NAALADL2: variants seen among roughly 807,000 people sequenced by gnomAD.
The protein encoded by NAALADL2 is N-acetylated alpha-linked acidic dipeptidase like 2, also known as inactive N-acetylated-alpha-linked acidic dipeptidase-like protein 2.
A neutral mutation model predicts 87.2 loss-of-function variants in NAALADL2; 76 were observed. The observed-to-expected ratio is 0.87, with a 90% confidence interval of 0.72 to 1.05. NAALADL2 has a LOEUF of 1.05. Among genes scored for constraint, NAALADL2 ranks in the 50% least tolerant of loss-of-function variants. NAALADL2 has a pLI of 0.00. For missense variants in NAALADL2, 1,089 were observed against 945.8 expected (o/e 1.15, Z -1.99); for synonymous variants, 354 against 331.0 (o/e 1.07, Z -0.75).
chr3:175,243,352 A>ACG (rs1285460719), intron 3 of NAALADL2, among the ~76,000 whole-genome samples: 1 of 149,182 alleles, frequency 6.7e-6, no homozygotes, highest in African/African-American at 2.5e-5. Context: ...ACACGCACGC[A>ACG]CACACACACG....
intron 9 of NAALADL2, among the ~76,000 whole-genome samples, chr3:175,571,878 T>C (rs888726122): frequency 3.3e-5 from 5 of 152,186 alleles, no homozygotes; most frequent in African/African-American, 1.2e-4. Context: ...TTTTTAACTT[T>C]GAAGCTAGTT....
At chr3:175,160,506 C>T (rs995564776) in intron 2 of NAALADL2, among the ~76,000 whole-genome samples, 1 of 151,312 alleles carries the variant, frequency 6.6e-6, no homozygotes, top group Middle Eastern at 3.2e-3. Flanking sequence ...GCATGCACCT[C>T]CACATCCAGC....
rs57620256 is a variant in NAALADL2 at position 174,849,734 on chromosome 3, CAAAA to C, written c.-9+112010_-9+112013del. Reference sequence around the variant, plus strand: ...TGGGTGACAGAGCGAGACTCTGACTCAAAAAAAAAAAAAAAAAAAAAAAAAGATG... The same window carrying C: ...TGGGTGACAGAGCGAGACTCTGACTCAAAAAAAAAAAAAAAAAAAAAGATG... On this transcript the variant is annotated intron_variant, in intron 3 of 3. Transcript: ENST00000434257. Among the ~76,000 whole-genome samples, 494 of 62,794 alleles carry C rather than the reference CAAAA, an allele frequency of 7.9e-3. 3 individuals are homozygous for C. The highest frequency in any genetic ancestry group is 0.027 in the African/African-American group (470 of 17,356). 41.2% of individuals were successfully genotyped at this position (62,794 alleles called of 152,430 possible). A position where few individuals can be genotyped will look rare whatever the true frequency, so the allele number is the denominator to read the frequency against.
At chr3:175,140,326 C>A (rs919246937) in intron 2 of NAALADL2, among the ~76,000 whole-genome samples, 8 of 152,018 alleles carry the variant, frequency 5.3e-5, no homozygotes, top group African/African-American at 1.9e-4. Flanking sequence ...TCAGGTGGGA[C>A]TAGAAAATGT....
At chr3:174,625,057 C>CTCTCTCT (rs748895219) in intron 2 of NAALADL2, among the ~76,000 whole-genome samples, 3 of 78,858 alleles carry the variant, frequency 3.8e-5, no homozygotes, top group African/African-American at 1.0e-4. Flanking sequence ...CTCTCTCTCT[C>CTCTCTCT]TTTTTTTTTT....
At chr3:175,334,736 T>C (rs1239787416) in intron 5 of NAALADL2, among the ~76,000 whole-genome samples, 2 of 152,106 alleles carry the variant, frequency 1.3e-5, no homozygotes, top group East Asian at 1.9e-4. Flanking sequence ...GAGAGCAAGT[T>C]TGGTTTGCAA....
chr3:175,410,497 T>TTGTG, intron 5 of NAALADL2, among the ~76,000 whole-genome samples: 1 of 152,094 alleles, frequency 6.6e-6, no homozygotes, highest in Non-Finnish European at 1.5e-5. Flanking sequence ...ATTCCACAGA[T>TTGTG]GTTTATGGAG....
chr3:175,084,604 A>G (rs1034683034), intron 1 of NAALADL2, among the ~76,000 whole-genome samples: 8 of 152,190 alleles, frequency 5.3e-5, no homozygotes, highest in Non-Finnish European at 1.0e-4. Flanking sequence ...ATTTAAATTA[A>G]ATGATTTCTC....
intron 2 of NAALADL2, among the ~76,000 whole-genome samples, chr3:175,144,737 T>C (rs983031296): frequency 2.6e-5 from 4 of 151,982 alleles, no homozygotes; most frequent in African/African-American, 9.7e-5. Context: ...TTTATTTTCC[T>C]CCTGTGCCAG....
At chr3:175,238,345 G>A (rs148801855) in intron 3 of NAALADL2, among the ~76,000 whole-genome samples, 1 of 152,106 alleles carries the variant, frequency 6.6e-6, no homozygotes, top group Admixed American at 6.6e-5. Context: ...AACTGTAGAT[G>A]TAGAAATATA....
chr3:175,101,911 A>G (rs1722273332), intron 2 of NAALADL2, among the ~76,000 whole-genome samples: 1 of 150,350 alleles, frequency 6.7e-6, no homozygotes, highest in Non-Finnish European at 1.5e-5. Context: ...TGCAATATGT[A>G]CAGAAAATTA....
chr3:175,778,670 T>C (rs779716587), intron 13 of NAALADL2, among the ~76,000 whole-genome samples: 1 of 152,246 alleles, frequency 6.6e-6, no homozygotes, highest in Non-Finnish European at 1.5e-5. Context: ...TCAGCTCATG[T>C]AATTATTATA....
At chr3:175,381,974 A>G (rs535646330) in intron 5 of NAALADL2, among the ~76,000 whole-genome samples, 7 of 152,138 alleles carry the variant, frequency 4.6e-5, no homozygotes, top group East Asian at 1.9e-4. Flanking sequence ...ACTTACTACC[A>G]TACTGCTCAC....
intron 11 of NAALADL2, among the ~76,000 whole-genome samples, chr3:175,701,536 T>C (rs1398342092): frequency 6.6e-6 from 1 of 152,148 alleles, no homozygotes; most frequent in Non-Finnish European, 1.5e-5. Context: ...TGGCATGCCT[T>C]CCGTTAATTA....
At chr3:175,245,442 C>T (rs1336095908) in intron 3 of NAALADL2, among the ~76,000 whole-genome samples, 2 of 152,142 alleles carry the variant, frequency 1.3e-5, no homozygotes, top group African/African-American at 4.8e-5. Flanking sequence ...AGCCAAATTT[C>T]TATCACAATA....
At chr3:175,430,341 A>G (rs1717545912) in intron 5 of NAALADL2, among the ~76,000 whole-genome samples, 1 of 151,898 alleles carries the variant, frequency 6.6e-6, no homozygotes, top group Admixed American at 6.6e-5. Context: ...TAACCTATAT[A>G]TGTGTGTTAA....
chr3:175,427,159 GAC>G (rs1402269734), intron 5 of NAALADL2, among the ~76,000 whole-genome samples: 1 of 152,110 alleles, frequency 6.6e-6, no homozygotes, highest in East Asian at 1.9e-4. Context: ...TACTTTTTAG[GAC>G]TTAGGACTCA....
chr3:175,342,356 A>T (rs186284109), intron 5 of NAALADL2, among the ~76,000 whole-genome samples: 4 of 152,252 alleles, frequency 2.6e-5, no homozygotes, highest in Admixed American at 2.6e-4. Flanking sequence ...TGAGATAAGG[A>T]TAAAATAATA....
At chr3:175,052,466 C>T (rs1005328266) in intron 1 of NAALADL2, among the ~76,000 whole-genome samples, 1 of 152,186 alleles carries the variant, frequency 6.6e-6, no homozygotes, top group Non-Finnish European at 1.5e-5. Flanking sequence ...TGAGCTACTT[C>T]TTGGAGGAGT....
Sources: allele counts gnomAD v4.1 joint callset (sites outside exome capture counted in the v4.1 genomes callset), GRCh38; gene constraint gnomAD v4.1.1; transcripts MANE v1.5; gene names NCBI Gene and HGNC (gene_info 2026-07-23, HGNC 2026-07-21).